Variants in MED12L observed in about 807,000 individuals in gnomAD.
MED12L encodes mediator of RNA polymerase II transcription subunit 12-like protein.
A neutral mutation model predicts 281.3 loss-of-function variants in MED12L; 60 were observed. The ratio of observed to expected loss-of-function variants is 0.21; its 90% CI spans 0.17 to 0.26. MED12L has a LOEUF of 0.26. Among genes scored for constraint, MED12L ranks in the 10% least tolerant of loss-of-function variants. The pLI is 1.00. For synonymous variants in MED12L, 974 were observed against 987.2 expected, an observed-to-expected ratio of 0.99 and a Z score of 0.25; for missense variants, 2,146 against 2,680.9, an observed-to-expected ratio of 0.80 and a Z score of 4.41.
intron 2 of MED12L, among the ~76,000 whole-genome samples, chr3:151,110,484 T>G (rs899320079): frequency 2.7e-4 from 41 of 152,338 alleles, no homozygotes; most frequent in African/African-American, 9.1e-4. Context: ...ACTTGAATCT[T>G]ATTCTTATCT....
intron 21 of MED12L, among the ~76,000 whole-genome samples, chr3:151,361,447 A>G (rs893296530): frequency 6.6e-6 from 1 of 152,128 alleles, no homozygotes; most frequent in African/African-American, 2.4e-5. Flanking sequence ...ATAGAACTGA[A>G]TTAATCATAA....
chr3:151,095,827 G>A (rs1182245270), intron 2 of MED12L, among the ~76,000 whole-genome samples: 2 of 152,070 alleles, frequency 1.3e-5, no homozygotes, highest in African/African-American at 4.8e-5. Flanking sequence ...AATCACTTGA[G>A]CCTAGGAGTT....
intron 5 of MED12L, among the ~76,000 whole-genome samples, chr3:151,129,452 G>A (rs1715036498): frequency 6.6e-6 from 1 of 151,832 alleles, no homozygotes; most frequent in South Asian, 2.1e-4. Context: ...TTGTTTTCAC[G>A]GTGGTCTTCT....
intron 25 of MED12L, among the ~76,000 whole-genome samples, chr3:151,368,679 CA>C: frequency 2.4e-5 from 1 of 41,902 alleles, no homozygotes; most frequent in Non-Finnish European, 4.8e-5. Context: ...CATTTCATGT[CA>C]TTTCATTTTA....
intron 43 of MED12L, among the ~76,000 whole-genome samples, chr3:151,426,820 CTTTT>C (rs34363787): frequency 4.2e-5 from 6 of 142,578 alleles, no homozygotes; most frequent in African/African-American, 7.8e-5. Context: ...CATGGTTTTA[CTTTT>C]TTTTTTTTTT....
chr3:151,199,460 G>A (rs998122523), intron 16 of MED12L: 61 of 1,284,810 alleles, frequency 4.7e-5, no homozygotes, highest in Non-Finnish European at 6.4e-5. Flanking sequence ...AACAAGGAAA[G>A]GGAGGTTAGT....
chr3:151,113,215 T>G (rs988516227), intron 2 of MED12L, among the ~76,000 whole-genome samples: 3 of 152,164 alleles, frequency 2.0e-5, no homozygotes, highest in African/African-American at 7.2e-5. Context: ...GTCAGGTCAT[T>G]GACCATGTGG....
At chr3:151,127,586 A>G (rs1355876450) in intron 4 of MED12L, among the ~76,000 whole-genome samples, 1 of 152,230 alleles carries the variant, frequency 6.6e-6, no homozygotes, top group Non-Finnish European at 1.5e-5. Flanking sequence ...AACTAGTGAA[A>G]GTTTTATATT....
At chr3:151,323,494 C>G in intron 16 of MED12L, among the ~76,000 whole-genome samples, 1 of 152,192 alleles carries the variant, frequency 6.6e-6, no homozygotes, top group East Asian at 1.9e-4. Flanking sequence ...AGGCCCCCTG[C>G]AACCCTCACG....
chr3:151,275,806 G>A (rs1457752074), intron 16 of MED12L, among the ~76,000 whole-genome samples: 1 of 152,114 alleles, frequency 6.6e-6, no homozygotes, highest in Non-Finnish European at 1.5e-5. Flanking sequence ...TTGGTTGTAG[G>A]TATTTTTTCT....
intron 5 of MED12L, among the ~76,000 whole-genome samples, chr3:151,152,337 A>C (rs1388777692): frequency 6.6e-6 from 1 of 152,002 alleles, no homozygotes; most frequent in East Asian, 1.9e-4. Context: ...CCTAGTCTCA[A>C]GCAATCGTCC....
chr3:151,413,084 T>C, intron 41 of MED12L, 55 bp from the exon 42 acceptor site: 1 of 1,573,212 alleles, frequency 6.4e-7, no homozygotes. Flanking sequence ...GTAGCACTGA[T>C]TAAAAGTTTG....
At chr3:151,422,990 T>A (rs1375374624) in intron 43 of MED12L, among the ~76,000 whole-genome samples, 10 of 145,262 alleles carry the variant, frequency 6.9e-5, no homozygotes, top group African/African-American at 2.5e-4. Flanking sequence ...TCCCTTCTAT[T>A]TTAATGCATT....
At position 151,432,892 on chromosome 3, in the gene MED12L, C is replaced by T; in HGVS notation, c.*88C>T. On this transcript the variant is annotated 3_prime_UTR_variant, in exon 45 of 45. Coordinates refer to ENST00000687756, the MANE Select transcript of MED12L (RefSeq NM_001393769.1). ...ATGCATTAGTCATCTTAAAAATGTC[C>T]CTTTTTTTCATTTCTTTGACATTTT... The T allele has an allele frequency of 2.1e-6, 2 of 963,904 alleles. No individual in the cohort carries two copies. 59.7% of individuals were successfully genotyped at this position (963,904 alleles called of 1,614,324 possible).
chr3:151,240,895 C>T (rs1733940112), intron 16 of MED12L, among the ~76,000 whole-genome samples: 2 of 152,176 alleles, frequency 1.3e-5, no homozygotes, highest in African/African-American at 4.8e-5. Flanking sequence ...CATGCTTGGT[C>T]TTGATTAGCT....
intron 16 of MED12L, among the ~76,000 whole-genome samples, chr3:151,216,587 C>T (rs1330346387): frequency 1.3e-5 from 2 of 152,132 alleles, no homozygotes; most frequent in African/African-American, 2.4e-5. Flanking sequence ...TTGATTTTGC[C>T]AGTCTATGGA....
intron 16 of MED12L, among the ~76,000 whole-genome samples, chr3:151,280,615 G>C (rs968215508): frequency 3.3e-5 from 5 of 152,004 alleles, no homozygotes; most frequent in African/African-American, 1.2e-4. Flanking sequence ...AGTGTGCACT[G>C]TATTGGGCTT....
intron 16 of MED12L, among the ~76,000 whole-genome samples, chr3:151,334,196 C>CCTT (rs1750689705): frequency 8.5e-6 from 1 of 118,230 alleles, no homozygotes; most frequent in African/African-American, 3.2e-5. Context: ...TTCTTTCTTT[C>CCTT]TTTTTTTTTT....
chr3:151,281,276 GGA>G (rs1742773611), intron 16 of MED12L, among the ~76,000 whole-genome samples: 1 of 149,720 alleles, frequency 6.7e-6, no homozygotes, highest in Admixed American at 6.7e-5. Context: ...TGGGCATGGT[GGA>G]GTTCGCCTGT....
Sources: allele counts gnomAD v4.1 joint callset (sites outside exome capture counted in the v4.1 genomes callset), GRCh38; gene constraint gnomAD v4.1.1; transcripts MANE v1.5; gene names NCBI Gene and HGNC (gene_info 2026-07-23, HGNC 2026-07-21).